FHIT: variants seen among roughly 807,000 people sequenced by gnomAD.
FHIT encodes bis(5'-adenosyl)-triphosphatase.
FHIT carries 19 observed loss-of-function variants against 17.9 expected under a neutral mutation model. The observed-to-expected ratio is 1.06, with a 90% CI of 0.74 to 1.56. The LOEUF (loss-of-function observed/expected upper bound fraction) is 1.56. FHIT is among the 40% of genes most tolerant of loss of function. The probability of loss-of-function intolerance (pLI) is 0.00; values close to 1 mark genes in which losing one functional copy is unlikely to be tolerated. For synonymous variants in FHIT, 81 were observed against 69.7 expected (o/e 1.16, Z -0.81); for missense variants, 248 against 189.2 (o/e 1.31, Z -1.82).
intron 4 of FHIT, among the ~76,000 whole-genome samples, chr3:60,705,274 T>G (rs2041345938): frequency 6.6e-6 from 1 of 152,116 alleles, no homozygotes; most frequent in Non-Finnish European, 1.5e-5. Flanking sequence ...AACATAGAAC[T>G]TCAGAGATGA....
At chr3:59,968,143 A>G (rs1439557720) in intron 7 of FHIT, among the ~76,000 whole-genome samples, 1 of 152,086 alleles carries the variant, frequency 6.6e-6, no homozygotes, top group Admixed American at 6.6e-5. Flanking sequence ...TTAGGGAGGC[A>G]TTTTTAGTGT....
chr3:60,980,179 C>G (rs1306775349), intron 3 of FHIT, among the ~76,000 whole-genome samples: 2 of 152,190 alleles, frequency 1.3e-5, no homozygotes, highest in African/African-American at 4.8e-5. Flanking sequence ...CCATCTCCAA[C>G]AGCAACTATC....
At chr3:60,951,175 A>C (rs909200887) in intron 3 of FHIT, among the ~76,000 whole-genome samples, 1 of 152,178 alleles carries the variant, frequency 6.6e-6, no homozygotes, top group African/African-American at 2.4e-5. Context: ...TAAGAAAAAA[A>C]TACTGGATAC....
intron 2 of FHIT, among the ~76,000 whole-genome samples, chr3:61,163,896 T>C (rs2037763785): frequency 6.6e-6 from 1 of 152,220 alleles, no homozygotes; most frequent in Non-Finnish European, 1.5e-5. Context: ...TCTTTTGTTA[T>C]AGGGGCCTCA....
At chr3:59,855,018 G>T (rs1235559417) in intron 8 of FHIT, among the ~76,000 whole-genome samples, 1 of 152,166 alleles carries the variant, frequency 6.6e-6, no homozygotes, top group Non-Finnish European at 1.5e-5. Flanking sequence ...CTCATATCCA[G>T]TGATCACAAT....
chr3:60,738,177 C>T (rs741891), intron 4 of FHIT, among the ~76,000 whole-genome samples: 126,117 of 152,130 alleles, frequency 0.83, 52,418 homozygotes, highest in Non-Finnish European at 0.85. Flanking sequence ...GAAAGACCGC[C>T]AGTGCTCAAA....
At chr3:60,226,330 G>A (rs1169263808) in intron 5 of FHIT, among the ~76,000 whole-genome samples, 1 of 152,008 alleles carries the variant, frequency 6.6e-6, no homozygotes, top group African/African-American at 2.4e-5. Flanking sequence ...AAATTAGCCA[G>A]GCATAGTGGC....
Position 60,718,789 on chromosome 3 carries a change from T to C in FHIT, c.-18+103130A>G, listed in dbSNP as rs1318988816. On this transcript the variant is annotated intron_variant, in intron 4 of 9. Transcript: ENST00000492590. ...TTAATTTGAAAACTCATGAGTTATATAGAATTAAACAAATTTTTTTGACTG... is the reference window on the plus strand; with the variant it reads ...TTAATTTGAAAACTCATGAGTTATACAGAATTAAACAAATTTTTTTGACTG... Among the ~76,000 whole-genome samples the C allele has an allele frequency of 5.3e-5, 8 of 152,326 alleles. 1 individual carries two copies. The highest frequency in any genetic ancestry group is 4.6e-4 in the Admixed American group (7 of 15,300).
intron 5 of FHIT, among the ~76,000 whole-genome samples, chr3:60,043,205 G>A (rs1468545487): frequency 1.2e-4 from 18 of 152,094 alleles, no homozygotes; most frequent in Admixed American, 2.0e-4. Context: ...CCACAACAAC[G>A]GTGACATCAC....
intron 5 of FHIT, among the ~76,000 whole-genome samples, chr3:60,035,686 G>T (rs1483254860): frequency 6.6e-6 from 1 of 152,174 alleles, no homozygotes; most frequent in African/African-American, 2.4e-5. Context: ...TTAGCCCAAA[G>T]TCCAGGCTTG....
intron 3 of FHIT, among the ~76,000 whole-genome samples, chr3:60,962,600 T>G (rs1709513258): frequency 6.6e-6 from 1 of 152,206 alleles, no homozygotes; most frequent in Non-Finnish European, 1.5e-5. Context: ...TTCAGACACG[T>G]CCCATCACTA....
chr3:60,213,782 T>C (rs1240822722), intron 5 of FHIT, among the ~76,000 whole-genome samples: 1 of 152,204 alleles, frequency 6.6e-6, no homozygotes, highest in East Asian at 1.9e-4. Context: ...ATTACCTGAT[T>C]GTGATCACCT....
rs556800141 is a variant in FHIT at position 60,497,174 on chromosome 3, G to A, written c.103+39686C>T. Among the ~76,000 whole-genome samples the A allele has an allele frequency of 3.5e-4, 53 of 152,056 alleles. 1 individual carries two copies. The East Asian group carries it at 5.8e-3, about 17-fold the overall frequency. On this transcript the variant is annotated intron_variant, in intron 5 of 9. Coordinates refer to ENST00000492590, the MANE Select transcript of FHIT (RefSeq NM_002012.4). ...GTAGAGTTGCTGCTAAACACTTACA[G>A]TGCACAGGACAGCCCCCACAAGAAA...
At chr3:60,307,938 C>A (rs1708758011) in intron 5 of FHIT, among the ~76,000 whole-genome samples, 1 of 152,118 alleles carries the variant, frequency 6.6e-6, no homozygotes, top group Non-Finnish European at 1.5e-5. Context: ...CAACATTTAC[C>A]AAGGGATCAC....
chr3:60,042,179 T>C (rs1363754157), intron 5 of FHIT, among the ~76,000 whole-genome samples: 1 of 152,190 alleles, frequency 6.6e-6, no homozygotes, highest in Admixed American at 6.5e-5. Flanking sequence ...GAAAAGGCAT[T>C]AGAAATTTAT....
At chr3:61,189,382 G>T (rs959831706) in intron 2 of FHIT, among the ~76,000 whole-genome samples, 58 of 152,118 alleles carry the variant, frequency 3.8e-4, no homozygotes, top group African/African-American at 1.3e-3. Context: ...ACAAGAGATG[G>T]GAAGGACCTC....
intron 3 of FHIT, among the ~76,000 whole-genome samples, chr3:60,912,357 C>T (rs1163958407): frequency 2.6e-5 from 4 of 152,048 alleles, no homozygotes. Context: ...CATTGAGTAA[C>T]CTGGTAACTG....
intron 3 of FHIT, among the ~76,000 whole-genome samples, chr3:60,920,664 C>T (rs534059593): frequency 1.1e-4 from 17 of 152,186 alleles, no homozygotes; most frequent in Non-Finnish European, 2.2e-4. Flanking sequence ...ACATATTCCA[C>T]GATCAACATG....
intron 2 of FHIT, among the ~76,000 whole-genome samples, chr3:61,126,589 C>G (rs2036614079): frequency 6.6e-6 from 1 of 152,098 alleles, no homozygotes; most frequent in Admixed American, 6.5e-5. Context: ...TGATCCAATC[C>G]CCTCCCAACT....
Sources: gnomAD v4.1 joint callset for allele counts (sites outside exome capture counted in the v4.1 genomes callset) on GRCh38, gnomAD v4.1.1 for gene constraint, MANE v1.5 for transcripts, NCBI Gene and HGNC (gene_info 2026-07-23, HGNC 2026-07-21) for gene names.